Variants in NXN observed in about 807,000 individuals in gnomAD.
NXN encodes the protein nucleoredoxin 1.
A neutral mutation model predicts 48.6 loss-of-function variants in NXN; 16 were observed. The ratio of observed to expected loss-of-function variants is 0.33; its 90% CI spans 0.22 to 0.50. NXN has a LOEUF of 0.50. NXN is among the 20% of genes least tolerant of loss of function. NXN has a pLI of 0.98. For missense variants in NXN, 492 were observed against 605.5 expected (o/e 0.81, Z 1.97); for synonymous variants, 281 against 269.6 (o/e 1.04, Z -0.41).
intron 4 of NXN, 38 bp downstream of exon 4, chr17:822,319 T>C (rs1385460027): frequency 1.4e-6 from 2 of 1,427,438 alleles, no homozygotes; most frequent in Non-Finnish European, 2.0e-6. Flanking sequence ...GTCAGCTACC[T>C]ACAGAAAAGG....
chr17:822,232 T>TCA, intron 4 of NXN, 125 bp downstream of exon 4: 1 of 631,160 alleles, frequency 1.6e-6, no homozygotes, highest in Non-Finnish European at 2.8e-6. Context: ...TGAGCTGAGA[T>TCA]CACACCACTG....
At chr17:916,921 C>T (rs2068693914) in intron 1 of NXN, among the ~76,000 whole-genome samples, 5 of 152,254 alleles carry the variant, frequency 3.3e-5, no homozygotes, top group South Asian at 2.1e-4. Flanking sequence ...CAGCAACCAA[C>T]AGGCCTCTAG....
intron 1 of NXN, among the ~76,000 whole-genome samples, chr17:960,439 G>C (rs1341769488): frequency 2.6e-5 from 4 of 151,992 alleles, no homozygotes; most frequent in African/African-American, 9.7e-5. Context: ...AACCTCCCAG[G>C]CTCAAGTGAT....
intron 1 of NXN, among the ~76,000 whole-genome samples, chr17:853,738 T>TTTTTTTTTTTTTTTTTC (rs1555614493): frequency 7.0e-6 from 1 of 143,574 alleles, no homozygotes; most frequent in African/African-American, 2.7e-5. Flanking sequence ...TTTTTTTTTT[T>TTTTTTTTTTTTTTTTTC]CCAAGACGGA....
At chr17:974,615 C>T (rs974081638) in intron 1 of NXN, among the ~76,000 whole-genome samples, 3 of 151,654 alleles carry the variant, frequency 2.0e-5, no homozygotes, top group Non-Finnish European at 2.9e-5. Flanking sequence ...AGATGTACAG[C>T]GCCTTGCACA....
intron 1 of NXN, among the ~76,000 whole-genome samples, chr17:931,834 CAAA>C (rs34072582): frequency 5.7e-5 from 5 of 88,412 alleles, no homozygotes; most frequent in African/African-American, 6.3e-5. Context: ...GACTCCGTCT[CAAA>C]AAAAAAAAAA....
rs569361963 is a variant in NXN, at chr17:901,633, C to T, written c.361-75555G>A. Among the ~76,000 whole-genome samples the T allele has an allele frequency of 5.3e-5, 8 of 152,346 alleles. No homozygotes were observed. The East Asian group carries it at 9.6e-4, about 18-fold the overall frequency. On this transcript the variant is annotated intron_variant, in intron 1 of 7. Coordinates refer to ENST00000336868, the MANE Select transcript of NXN (RefSeq NM_022463.5). ...ACATTAACTAAATCTAAATCTAAAT[C>T]GATGGCATTTTGTCCCATAAACACT... is the stretch of plus-strand genomic sequence containing the variant.
At chr17:899,148 C>T (rs1206526492) in intron 1 of NXN, among the ~76,000 whole-genome samples, 3 of 151,966 alleles carry the variant, frequency 2.0e-5, no homozygotes, top group Middle Eastern at 3.2e-3. Flanking sequence ...AGTAGAGACG[C>T]GGTTTCACCA....
chr17:927,559 G>A (rs976536251), intron 1 of NXN, among the ~76,000 whole-genome samples: 2 of 139,530 alleles, frequency 1.4e-5, no homozygotes, highest in Non-Finnish European at 3.0e-5. Flanking sequence ...CAGCCTGGGT[G>A]ACGGAAGTAA....
chr17:801,048 C>T lies in NXN; in HGVS notation c.1209G>A (p.Arg403=). The T allele has an allele frequency of 6.3e-7, 1 of 1,579,232 alleles. No homozygotes were observed. Among genetic ancestry groups the T allele is most frequent in the Non-Finnish European group, 8.6e-7 (1 of 1,161,802 alleles). Residue 403 remains arginine, a synonymous_variant, in exon 8 of 8, where the codon CGG becomes CGA. Coordinates refer to ENST00000336868, the MANE Select transcript of NXN (RefSeq NM_022463.5). ...CCTCCACGTCCATCACGTACTTGGCCCGGGCTGACATGTCCAGGATGGTGA... is the reference window on the plus strand; with the variant it reads ...CCTCCACGTCCATCACGTACTTGGCTCGGGCTGACATGTCCAGGATGGTGA... ...PLLTILDMSA[R]AKYVMDVEEI... is the part of the protein sequence containing the mutation.
chr17:841,772 G>A (rs534428427), intron 1 of NXN, among the ~76,000 whole-genome samples: 1 of 151,812 alleles, frequency 6.6e-6, no homozygotes, highest in East Asian at 1.9e-4. Context: ...GTGGCTCTGG[G>A]TGCGGCAAAG....
chr17:812,172 C>T (rs947196181), intron 5 of NXN, among the ~76,000 whole-genome samples: 1 of 151,526 alleles, frequency 6.6e-6, no homozygotes, highest in African/African-American at 2.4e-5. Context: ...CGTGATCCGC[C>T]CGCCTCGGCC....
intron 4 of NXN, among the ~76,000 whole-genome samples, chr17:821,812 T>C (rs1912834543): frequency 6.6e-6 from 1 of 152,138 alleles, no homozygotes; most frequent in South Asian, 2.1e-4. Context: ...CATTCGTCTC[T>C]GGCTCTTTTC....
At chr17:905,404 C>T (rs966302990) in intron 1 of NXN, among the ~76,000 whole-genome samples, 7 of 151,804 alleles carry the variant, frequency 4.6e-5, no homozygotes, top group Admixed American at 2.0e-4. Flanking sequence ...GGTGACAGAA[C>T]GAGATCCTGT....
chr17:960,923 T>C (rs573969590), intron 1 of NXN, among the ~76,000 whole-genome samples: 37 of 152,034 alleles, frequency 2.4e-4, no homozygotes, highest in African/African-American at 8.9e-4. Flanking sequence ...TAGCTGGGAC[T>C]ACAGGCACCC....
At chr17:823,861 C>G in intron 2 of NXN, 96 bp from the exon 3 acceptor site, 1 of 1,339,066 alleles carries the variant, frequency 7.5e-7, no homozygotes, top group Non-Finnish European at 1.0e-6. Context: ...TTCTTGATGA[C>G]CTGGGACCCG....
intron 1 of NXN, among the ~76,000 whole-genome samples, chr17:953,284 T>G (rs192258066): frequency 0.027 from 4,133 of 151,992 alleles, 78 homozygotes; most frequent in Admixed American, 0.048. Context: ...GCATGGTGGC[T>G]CACGCCTGTA....
intron 1 of NXN, among the ~76,000 whole-genome samples, chr17:922,121 G>A (rs1215498438): frequency 6.6e-6 from 1 of 152,176 alleles, no homozygotes; most frequent in East Asian, 1.9e-4. Context: ...AAACGGGTTA[G>A]CCCTGTATTC....
At chr17:845,176 GAGTGAGAGAGAATTCCACCCTTCT>G (rs1299038863) in intron 1 of NXN, among the ~76,000 whole-genome samples, 4 of 152,120 alleles carry the variant, frequency 2.6e-5, no homozygotes, top group Non-Finnish European at 4.4e-5. Flanking sequence ...ACTGAATTGA[GAGTGAGAGAGAATTCCACCCTTCT>G]AGAGAGAATT....
Sources: gnomAD v4.1 joint callset for allele counts (sites outside exome capture counted in the v4.1 genomes callset) on GRCh38, gnomAD v4.1.1 for gene constraint, MANE v1.5 for transcripts, NCBI Gene and HGNC (gene_info 2026-07-23, HGNC 2026-07-21) for gene names.